DPF3: variants seen among roughly 807,000 people sequenced by gnomAD.
DPF3 encodes the protein zinc finger protein DPF3.
Under a neutral mutation model 56.8 loss-of-function variants are expected in DPF3, and 18 were observed. The observed-to-expected ratio is 0.32, with a 90% CI of 0.22 to 0.47. The LOEUF (loss-of-function observed/expected upper bound fraction) is 0.47, where lower values mean the gene tolerates loss of function less well. DPF3 is among the 20% of genes least tolerant of loss of function. DPF3 has a pLI of 1.00. For synonymous variants in DPF3, 188 were observed against 180.2 expected (o/e 1.04, Z -0.35); for missense variants, 403 against 488.8 (o/e 0.82, Z 1.65).
chr14:72,791,689 T>A (rs1322414671), intron 1 of DPF3, among the ~76,000 whole-genome samples: 1 of 152,218 alleles, frequency 6.6e-6, no homozygotes, highest in East Asian at 1.9e-4. Flanking sequence ...AGGTTCTGGG[T>A]TGCCATTTGC....
Position 72,618,359 on chromosome 14 carries a change from A to T in DPF3, c.*938T>A, listed in dbSNP as rs1403429474. On this transcript the variant is annotated 3_prime_UTR_variant, in exon 11 of 11. Coordinates refer to ENST00000556509, the MANE Select transcript of DPF3 (RefSeq NM_001280542.3). ...AGCCCCCTGTATCCAGCATTCGGAC[A>T]CATGATTGGGCAGCCTTCGCTCCCC... 1.3e-5 allele frequency among the ~76,000 whole-genome samples: 2 copies of T among 152,210 alleles called. No individual in the cohort carries two copies. Among genetic ancestry groups the T allele is most frequent in the Non-Finnish European group, 2.9e-5 (2 of 68,024 alleles).
At chr14:72,689,731 C>T (rs371423329) in intron 7 of DPF3, among the ~76,000 whole-genome samples, 5 of 152,108 alleles carry the variant, frequency 3.3e-5, no homozygotes, top group African/African-American at 4.8e-5. Flanking sequence ...TTCGGGGCGG[C>T]GAGCAAGTCA....
intron 8 of DPF3, among the ~76,000 whole-genome samples, chr14:72,655,096 C>A (rs546972493): frequency 6.6e-6 from 1 of 152,242 alleles, no homozygotes; most frequent in Non-Finnish European, 1.5e-5. Context: ...TTGTCTCCAT[C>A]CCCAAACTCC....
At chr14:72,672,884 T>TA (rs1259576926) in intron 8 of DPF3, among the ~76,000 whole-genome samples, 2 of 152,110 alleles carry the variant, frequency 1.3e-5, no homozygotes, top group Admixed American at 6.5e-5. Context: ...TGCTTGCTTT[T>TA]AAAAAAACAC....
At chr14:72,671,292 TGCG>T in intron 8 of DPF3, 1 of 1,614,006 alleles carries the variant, frequency 6.2e-7, no homozygotes, top group Non-Finnish European at 8.5e-7. Flanking sequence ...TGGTACGTGC[TGCG>T]GCCGCTGCCT....
At chr14:72,639,728 C>A (rs1885486864) in intron 8 of DPF3, among the ~76,000 whole-genome samples, 1 of 152,076 alleles carries the variant, frequency 6.6e-6, no homozygotes, top group Non-Finnish European at 1.5e-5. Flanking sequence ...GACTGCAACC[C>A]AAGGGAGGCC....
intron 8 of DPF3, among the ~76,000 whole-genome samples, chr14:72,648,929 G>A (rs530503278): frequency 6.6e-6 from 1 of 151,996 alleles, no homozygotes; most frequent in African/African-American, 2.4e-5. Context: ...AACTGGAAAG[G>A]GCCAGTTCTC....
intron 5 of DPF3, among the ~76,000 whole-genome samples, chr14:72,718,480 A>G (rs536729048): frequency 6.6e-6 from 1 of 152,278 alleles, no homozygotes; most frequent in East Asian, 1.9e-4. Context: ...ACGCTCTCAC[A>G]GGCATCCAGT....
intron 4 of DPF3, among the ~76,000 whole-genome samples, chr14:72,727,525 G>A (rs1354307806): frequency 4.0e-5 from 6 of 151,006 alleles, no homozygotes; most frequent in East Asian, 1.9e-4. Context: ...GCAGTCAGCT[G>A]AGATTGTACC....
intron 1 of DPF3, among the ~76,000 whole-genome samples, chr14:72,826,770 C>T (rs1012287743): frequency 2.0e-5 from 3 of 152,064 alleles, no homozygotes; most frequent in East Asian, 1.9e-4. Context: ...TGGCCGGGCG[C>T]GGTGGCTCAC....
In DPF3 at chr14:72,661,753, G is replaced by A. The variant is rs552716011; in HGVS notation, c.871+12487C>T. 1.3e-4 allele frequency: 133 copies of A among 985,316 alleles called. No individual in the cohort carries two copies. In the African/African-American group the frequency reaches 2.3e-3, roughly 17 times the overall value. 61.0% of individuals were successfully genotyped at this position (985,316 alleles called of 1,614,324 possible). A position where few individuals can be genotyped will look rare whatever the true frequency, so the allele number is the denominator to read the frequency against. On this transcript the variant is annotated intron_variant, in intron 8 of 10. Transcript: ENST00000556509. ...CTTGGGGACAGCTCTGGAAGCTCAG[G>A]CCCCAGAAGCCAGCTCAGCAGAAGG...
intron 1 of DPF3, among the ~76,000 whole-genome samples, chr14:72,786,503 C>T (rs897987592): frequency 6.6e-6 from 1 of 152,192 alleles, no homozygotes; most frequent in Non-Finnish European, 1.5e-5. Context: ...TTGTCTGTGG[C>T]AGCTTTTGTG....
chr14:72,747,371 C>G (rs972239396), intron 3 of DPF3, among the ~76,000 whole-genome samples: 2 of 152,084 alleles, frequency 1.3e-5, no homozygotes, highest in Non-Finnish European at 2.9e-5. Context: ...TCTGTCCTTC[C>G]TAGGTCTTCT....
At chr14:72,857,927 A>G (rs1433933695) in intron 1 of DPF3, among the ~76,000 whole-genome samples, 1 of 152,114 alleles carries the variant, frequency 6.6e-6, no homozygotes, top group Non-Finnish European at 1.5e-5. Context: ...TACTCCTTGC[A>G]ACATCTCTTT....
At chr14:72,845,434 G>A (rs1567253780) in intron 1 of DPF3, among the ~76,000 whole-genome samples, 2 of 152,132 alleles carry the variant, frequency 1.3e-5, no homozygotes, top group South Asian at 2.1e-4. Context: ...ACTTGTCCAC[G>A]AGCTAGCCCT....
At chr14:72,822,209 C>T (rs1039343826) in intron 1 of DPF3, among the ~76,000 whole-genome samples, 1 of 152,008 alleles carries the variant, frequency 6.6e-6, no homozygotes, top group African/African-American at 2.4e-5. Flanking sequence ...GAAACCCCAT[C>T]TCTACTAAAA....
At chr14:72,651,154 G>A (rs1323637150) in intron 8 of DPF3, among the ~76,000 whole-genome samples, 1 of 152,240 alleles carries the variant, frequency 6.6e-6, no homozygotes, top group African/African-American at 2.4e-5. Context: ...GGTCTCCTAA[G>A]TCTTTCTGCA....
chr14:72,735,535 C>G (rs916001561), intron 3 of DPF3, among the ~76,000 whole-genome samples: 1 of 152,166 alleles, frequency 6.6e-6, no homozygotes, highest in Non-Finnish European at 1.5e-5. Flanking sequence ...ATGGAAAAAG[C>G]AAGAAGGGAT....
At chr14:72,680,146 G>A (rs1206981758) in intron 7 of DPF3, among the ~76,000 whole-genome samples, 1 of 152,226 alleles carries the variant, frequency 6.6e-6, no homozygotes, top group African/African-American at 2.4e-5. Context: ...GGCTGGACCA[G>A]AGGGCAAAGG....
Sources: allele counts gnomAD v4.1 joint callset (sites outside exome capture counted in the v4.1 genomes callset), GRCh38; gene constraint gnomAD v4.1.1; transcripts MANE v1.5; gene names NCBI Gene and HGNC (gene_info 2026-07-23, HGNC 2026-07-21).